Variants in TCF7L2 observed in about 807,000 individuals in gnomAD.
TCF7L2 encodes the protein transcription factor 7-like 2.
Under a neutral mutation model 77.9 loss-of-function variants are expected in TCF7L2, and 23 were observed. The ratio of observed to expected loss-of-function variants is 0.30; its 90% CI spans 0.21 to 0.42. The LOEUF (loss-of-function observed/expected upper bound fraction) is 0.42, where lower values mean the gene tolerates loss of function less well. TCF7L2 is among the 10% of genes least tolerant of loss of function. TCF7L2 has a pLI of 1.00. For synonymous variants in TCF7L2, 413 were observed against 340.2 expected (o/e 1.21, Z -2.36); for missense variants, 654 against 793.1 (o/e 0.82, Z 2.11).
intron 5 of TCF7L2, among the ~76,000 whole-genome samples, chr10:113,121,430 T>C (rs1360274286): frequency 6.6e-6 from 1 of 152,248 alleles, no homozygotes; most frequent in Non-Finnish European, 1.5e-5. Flanking sequence ...GCCAGCACTG[T>C]GGCTTTTCCC....
chr10:113,067,001 A>G (rs1591255551), intron 5 of TCF7L2, among the ~76,000 whole-genome samples: 1 of 152,256 alleles, frequency 6.6e-6, no homozygotes, highest in African/African-American at 2.4e-5. Flanking sequence ...CATTTAATAT[A>G]CTGCTGTTCT....
intron 7 of TCF7L2, 44 bp from the exon 8 acceptor site, chr10:113,145,967 C>T (rs1450422081): frequency 3.3e-6 from 4 of 1,216,754 alleles, no homozygotes; most frequent in Non-Finnish European, 4.8e-6. Context: ...GTCCCCACCC[C>T]CACCCTTGTT....
At chr10:113,003,440 T>C (rs2044868628) in intron 4 of TCF7L2, among the ~76,000 whole-genome samples, 1 of 152,210 alleles carries the variant, frequency 6.6e-6, no homozygotes, top group Non-Finnish European at 1.5e-5. Context: ...GGATGGTCTC[T>C]GAGGTTGGGC....
intron 5 of TCF7L2, among the ~76,000 whole-genome samples, chr10:113,108,633 C>T (rs147227979): frequency 6.6e-6 from 1 of 152,264 alleles, no homozygotes; most frequent in Non-Finnish European, 1.5e-5. Flanking sequence ...GCAAGGTCAG[C>T]CTAGGCTGGC....
In TCF7L2 at chr10:113,151,895, C is replaced by T; in HGVS notation, c.1161+11C>T. 1.3e-6 allele frequency: 2 copies of T among 1,591,284 alleles called. No homozygotes were observed. The highest frequency in any genetic ancestry group is 1.7e-6 in the Non-Finnish European group (2 of 1,173,032). On this transcript the variant is annotated intron_variant, in intron 10 of 13. Coordinates refer to ENST00000627217, the MANE Select transcript of TCF7L2 (RefSeq NM_001146274.2). This position sits in a 1 kb window ranked among gnomAD's most constrained non-coding sequence, Gnocchi z 5.2. ...ATCCTTGGGCGGAGGGTAGGTGACG[C>T]CCTTCTCAGGGAGAAGCGGGGGGCG...
chr10:112,982,079 T>A (rs911145550), intron 4 of TCF7L2, among the ~76,000 whole-genome samples: 3 of 152,108 alleles, frequency 2.0e-5, no homozygotes, highest in African/African-American at 7.2e-5. Context: ...GTGATCGATC[T>A]TCCCATTCTA....
chr10:113,048,279 G>T (rs953082695), intron 5 of TCF7L2, among the ~76,000 whole-genome samples: 6 of 152,092 alleles, frequency 3.9e-5, no homozygotes, highest in Non-Finnish European at 5.9e-5. Context: ...TGTTCATTTG[G>T]CACCCAGCCT....
intron 4 of TCF7L2, among the ~76,000 whole-genome samples, chr10:113,004,502 C>G (rs2045137823): frequency 6.6e-6 from 1 of 152,124 alleles, no homozygotes; most frequent in Admixed American, 6.5e-5. Flanking sequence ...ATGTCATAGA[C>G]CAGACTAATG....
chr10:112,964,469 G>T lies in TCF7L2; in HGVS notation c.382-87G>T, dbSNP rs1477111882. On this transcript the variant is annotated intron_variant, in intron 3 of 13. Coordinates refer to ENST00000627217, the MANE Select transcript of TCF7L2 (RefSeq NM_001146274.2). ...CAAGGCTGCAGTTCAATCTAGGAAG[G>T]TTTGTCTGCTATTCATAAACTGCTT... is the stretch of plus-strand genomic sequence containing the variant. 7 of 1,237,408 alleles carry T rather than the reference G, an allele frequency of 5.7e-6. No homozygotes were observed. The East Asian group carries it at 1.4e-4, about 25-fold the overall frequency. 76.7% of individuals were successfully genotyped at this position (1,237,408 alleles called of 1,614,324 possible). A position where few individuals can be genotyped will look rare whatever the true frequency, so the allele number is the denominator to read the frequency against.
chr10:113,131,725 T>C (rs540307107), intron 5 of TCF7L2, among the ~76,000 whole-genome samples: 4 of 152,210 alleles, frequency 2.6e-5, no homozygotes, highest in Non-Finnish European at 5.9e-5. Flanking sequence ...CTTGTATTCT[T>C]AGGGAAACCT....
intron 4 of TCF7L2, among the ~76,000 whole-genome samples, chr10:113,007,381 C>G (rs2045748208): frequency 6.6e-6 from 1 of 152,222 alleles, no homozygotes; most frequent in Non-Finnish European, 1.5e-5. Flanking sequence ...TTCCTGCTCA[C>G]TCTCTTTTGG....
chr10:113,136,395 G>A (rs1448906326), intron 5 of TCF7L2, among the ~76,000 whole-genome samples: 1 of 152,154 alleles, frequency 6.6e-6, no homozygotes, highest in African/African-American at 2.4e-5. Context: ...TGGTATAACC[G>A]TCTCGAAATT....
intron 5 of TCF7L2, among the ~76,000 whole-genome samples, chr10:113,124,176 C>G (rs1485760489): frequency 7.7e-6 from 1 of 129,270 alleles, no homozygotes; most frequent in South Asian, 2.4e-4. Flanking sequence ...ATGCAAATCA[C>G]GAGAAAGTAG....
chr10:112,983,167 A>T (rs1245743529), intron 4 of TCF7L2, among the ~76,000 whole-genome samples: 1 of 149,308 alleles, frequency 6.7e-6, no homozygotes, highest in Non-Finnish European at 1.5e-5. Context: ...GTTGCTTAAT[A>T]CTTCATTAAA....
intron 5 of TCF7L2, among the ~76,000 whole-genome samples, chr10:113,057,522 T>C (rs1432230185): frequency 6.6e-6 from 1 of 152,170 alleles, no homozygotes; most frequent in Non-Finnish European, 1.5e-5. Context: ...CTCATGGGAC[T>C]TCTGTTGGGG....
intron 11 of TCF7L2, among the ~76,000 whole-genome samples, chr10:113,155,642 A>T (rs1156837712): frequency 6.6e-6 from 1 of 152,226 alleles, no homozygotes. Context: ...GGAAACGGGG[A>T]TGCTTTTTCA....
At chr10:113,080,468 C>A (rs1260652686) in intron 5 of TCF7L2, among the ~76,000 whole-genome samples, 1 of 152,020 alleles carries the variant, frequency 6.6e-6, no homozygotes, top group Non-Finnish European at 1.5e-5. Flanking sequence ...GTATTGGAAC[C>A]AAGGTTGCCA....
At chr10:113,099,706 G>T (rs1417237426) in intron 5 of TCF7L2, among the ~76,000 whole-genome samples, 3 of 152,216 alleles carry the variant, frequency 2.0e-5, no homozygotes, top group Non-Finnish European at 4.4e-5. Context: ...CTTCTGCCGT[G>T]CGTTTTGCTG....
At chr10:113,108,601 A>AC (rs1329363540) in intron 5 of TCF7L2, among the ~76,000 whole-genome samples, 1 of 152,020 alleles carries the variant, frequency 6.6e-6, no homozygotes, top group South Asian at 2.1e-4. Flanking sequence ...TCCCTGAGGA[A>AC]CCCCCTAGCC....
Sources: allele counts gnomAD v4.1 joint callset (sites outside exome capture counted in the v4.1 genomes callset), GRCh38; gene constraint gnomAD v4.1.1; non-coding constraint Gnocchi (gnomAD v3.1); transcripts MANE v1.5; gene names NCBI Gene and HGNC (gene_info 2026-07-23, HGNC 2026-07-21).